The following RDH13 variants were observed in gnomAD, a reference collection of about 807,000 sequenced individuals.
RDH13 encodes retinol dehydrogenase 13, also known as retinol dehydrogenase 13 (all-trans and 9-cis).
A neutral mutation model predicts 28.3 loss-of-function variants in RDH13; 35 were observed. That is an observed-to-expected ratio of 1.24 (90% CI 0.95 to 1.64). RDH13 has a LOEUF of 1.64. Ranked by LOEUF, RDH13 falls within the 40% of genes most tolerant of loss-of-function variation. RDH13 has a pLI of 0.00. For synonymous variants in RDH13, 229 were observed against 198.5 expected (o/e 1.15, Z -1.29); for missense variants, 514 against 446.3 (o/e 1.15, Z -1.37).
At position 55,063,061 on chromosome 19, in the gene RDH13, A is replaced by AGGCCTCAGGCGTCC. The variant is rs56128826; in HGVS notation, c.-30_-29insGGACGCCTGAGGCC. On this transcript the variant is annotated 5_prime_UTR_variant, in exon 1 of 7. Transcript: ENST00000415061. ...GGGCCGGGGACAGGCGTCAGGCGTCAGGGGTCGGCGCGGAGCTTGCTGCAC... is the reference window on the plus strand; with the variant it reads ...GGGCCGGGGACAGGCGTCAGGCGTCAGGCCTCAGGCGTCCGGGGTCGGCGCGGAGCTTGCTGCAC... 3 of 1,307,704 alleles carry AGGCCTCAGGCGTCC rather than the reference A, an allele frequency of 2.3e-6. No individual in the cohort carries two copies. The South Asian group carries it at 5.5e-5, about 24-fold the overall frequency. The allele number at this position is 1,307,704 out of a possible 1,614,324, so 81.0% of individuals were successfully genotyped here.
chr19:55,055,489 T>A (rs1358871339), intron 3 of RDH13, among the ~76,000 whole-genome samples: 3 of 152,040 alleles, frequency 2.0e-5, no homozygotes, highest in African/African-American at 7.2e-5. Flanking sequence ...ATTTTATAAA[T>A]GTCCCATAAC....
upstream of RDH13, among the ~76,000 whole-genome samples, chr19:55,065,754 G>C (rs575786003): frequency 6.6e-6 from 1 of 151,726 alleles, no homozygotes; most frequent in Non-Finnish European, 1.5e-5. Flanking sequence ...GTCTCTCTCC[G>C]ATGCCCAGGC....
In RDH13 at chr19:55,048,509, T is replaced by G; in HGVS notation, c.478A>C (p.Lys160Gln). The stretch of plus-strand genomic sequence containing the variant: ...CGCGAAGGGGCTGAGGCTTTCAGCT[T>G]GTCCAGCAGCAAGTTTGTCAAGAGA... Reference protein sequence around the residue: ...HFLLTNLLLDKLKASAPSRII... With the variant: ...HFLLTNLLLDQLKASAPSRII... The change falls in exon 5 of 7, where the codon AAG becomes CAG. Residue 160 changes from lysine (K) to glutamine (Q), a missense_variant. Transcript: ENST00000415061. The G allele has an allele frequency of 5.6e-6, 9 of 1,614,206 alleles. No homozygotes were observed. Among genetic ancestry groups the G allele is most frequent in the Non-Finnish European group, 7.6e-6 (9 of 1,180,030 alleles).
chr19:55,065,999 G>A (rs1171476588), upstream of RDH13, among the ~76,000 whole-genome samples: 2 of 152,192 alleles, frequency 1.3e-5, no homozygotes, highest in Non-Finnish European at 2.9e-5. Flanking sequence ...ATTACAAAGC[G>A]TGAGCCACTG....
At chr19:55,047,990 CTG>C (rs914190866) in intron 5 of RDH13, 4 of 1,264,904 alleles carry the variant, frequency 3.2e-6, no homozygotes, top group South Asian at 1.5e-5. Context: ...GCTGTGATCA[CTG>C]TGTTTCCAGG....
At chr19:55,063,169 CCGGAACTGGGCTGCGAGGGG>C, upstream of RDH13, 1 of 780,302 alleles carries the variant, frequency 1.3e-6, no homozygotes, top group Non-Finnish European at 1.8e-6. Flanking sequence ...GGGCCCGCGT[CCGGAACTGGGCTGCGAGGGG>C]CGGGGCGCGG....
chr19:55,066,828 G>T (rs908149830), upstream of RDH13, among the ~76,000 whole-genome samples: 1 of 151,902 alleles, frequency 6.6e-6, no homozygotes, highest in African/African-American at 2.4e-5. Flanking sequence ...CGACCCTGTG[G>T]CTGTGTAGAG....
At position 55,045,040 on chromosome 19, in the gene RDH13, G is replaced by A. The variant is rs2075160247; in HGVS notation, c.*34C>T. The A allele has an allele frequency of 6.8e-7, 1 of 1,480,900 alleles. No individual in the cohort carries two copies. 91.7% of individuals were successfully genotyped at this position (1,480,900 alleles called of 1,614,324 possible). ...GGCGGACAGCTGTCCTCGGTCTGGA[G>A]GCGCCATCCTGGCTTTCAAATCTGC... On this transcript the variant is annotated 3_prime_UTR_variant, in exon 7 of 7. Coordinates refer to ENST00000415061, the MANE Select transcript of RDH13 (RefSeq NM_001145971.2).
chr19:55,057,040 A>C (rs2075661288), intron 2 of RDH13, among the ~76,000 whole-genome samples: 1 of 152,204 alleles, frequency 6.6e-6, no homozygotes, highest in South Asian at 2.1e-4. Flanking sequence ...AAAGGAGTGA[A>C]GCACTGGCTC....
At chr19:55,039,998 C>T (rs1222129455), downstream of RDH13, among the ~76,000 whole-genome samples, 1 of 152,076 alleles carries the variant, frequency 6.6e-6, no homozygotes, top group Non-Finnish European at 1.5e-5. Flanking sequence ...TTCATAGAGA[C>T]AGGGATTAGA....
intron 2 of RDH13, 67 bp downstream of exon 2, chr19:55,059,090 G>C: frequency 1.8e-6 from 2 of 1,085,360 alleles, no homozygotes; most frequent in Non-Finnish European, 2.8e-6. Context: ...TCCGGACTGT[G>C]AATAATGCTG....
At chr19:55,056,531 C>G in intron 3 of RDH13, 122 bp downstream of exon 3, 1 of 1,263,998 alleles carries the variant, frequency 7.9e-7, no homozygotes, top group Non-Finnish European at 1.1e-6. Flanking sequence ...CTGGACTTGG[C>G]CCCTAACTCA....
chr19:55,048,552 G>A lies in RDH13; in HGVS notation c.446-11C>T, dbSNP rs2075319485. On this transcript the variant is annotated splice_polypyrimidine_tract_variant and intron_variant, in intron 4 of 6. Transcript: ENST00000415061. ...TCAAGAGAAAGTGACCTGGATTAAG[G>A]ATGATGAAAAGGTCACTTTTGACTC... is the stretch of plus-strand genomic sequence containing the variant. The A allele has an allele frequency of 6.2e-7, 1 of 1,613,578 alleles. No homozygotes were observed. The highest frequency in any genetic ancestry group is 1.3e-5 in the African/African-American group (1 of 74,916).
In RDH13 at chr19:55,045,107, A is replaced by C; in HGVS notation, c.963T>G (p.Ala321=). The change falls in exon 7 of 7, where the codon GCT becomes GCG. Residue 321 remains alanine, a synonymous_variant. Transcript: ENST00000415061. ...GGAGGGGCTGCTCCCTCACAGAGGG[A>C]GCCTCTAAGCCCACCAGGCGGGCAC... ...AESARLVGLE[A]PSVREQPLPR 1 of 1,611,204 alleles carries C rather than the reference A, an allele frequency of 6.2e-7. No homozygotes were observed. Among genetic ancestry groups the C allele is most frequent in the Admixed American group, 1.7e-5 (1 of 59,644 alleles).
At chr19:55,062,456 C>T (rs1374589934) in intron 1 of RDH13, among the ~76,000 whole-genome samples, 2 of 152,120 alleles carry the variant, frequency 1.3e-5, no homozygotes, top group African/African-American at 2.4e-5. Flanking sequence ...CCGAGGCAGG[C>T]GGATCACCTG....
chr19:55,066,985 A>G (rs2075975031), upstream of RDH13, among the ~76,000 whole-genome samples: 2 of 152,158 alleles, frequency 1.3e-5, no homozygotes, highest in South Asian at 4.1e-4. Context: ...GCCTGTGCAG[A>G]TGGTAGGTTT....
At position 55,059,217 on chromosome 19, in the gene RDH13, T is replaced by C. The variant is rs2075734481; in HGVS notation, c.124A>G (p.Ile42Val). The C allele has an allele frequency of 1.2e-6, 2 of 1,605,854 alleles. No homozygotes were observed. Among genetic ancestry groups the C allele is most frequent in the Non-Finnish European group, 1.7e-6 (2 of 1,176,298 alleles). ...ATGCCTGTGTTGGCACCCGTCACGATGACCGTCTTCCCAGGGATGGTGGCC... is the reference window on the plus strand; with the variant it reads ...ATGCCTGTGTTGGCACCCGTCACGACGACCGTCTTCCCAGGGATGGTGGCC... ...SKATIPGKTV[I>V]VTGANTGIGK... Residue 42 changes from isoleucine to valine, a missense_variant, in exon 2 of 7, where the codon ATC becomes GTC. Ile to Val is a conservative substitution (Grantham distance 29). Transcript: ENST00000415061.
At chr19:55,051,555 C>CA (rs2075435530) in intron 3 of RDH13, among the ~76,000 whole-genome samples, 1 of 126,580 alleles carries the variant, frequency 7.9e-6, no homozygotes, top group African/African-American at 2.9e-5. Context: ...CTCAGCCTCC[C>CA]GAGTACTGGG....
intron 3 of RDH13, among the ~76,000 whole-genome samples, chr19:55,049,964 C>CTTT (rs142472234): frequency 2.3e-4 from 32 of 142,022 alleles, no homozygotes; most frequent in Middle Eastern, 3.5e-3. Flanking sequence ...GGAGCTGTCT[C>CTTT]TTTTTTTTTT....
Sources: allele counts gnomAD v4.1 joint callset (sites outside exome capture counted in the v4.1 genomes callset), GRCh38; gene constraint gnomAD v4.1.1; transcripts MANE v1.5; gene names NCBI Gene and HGNC (gene_info 2026-07-23, HGNC 2026-07-21).